Variants in ADAMTS16 observed in about 807,000 individuals in gnomAD.
ADAMTS16 encodes the protein ADAM metallopeptidase with thrombospondin type 1 motif 16, also known as A disintegrin and metalloproteinase with thrombospondin motifs 16.
A neutral mutation model predicts 145.8 loss-of-function variants in ADAMTS16; 94 were observed. The observed-to-expected ratio is 0.64, with a 90% CI of 0.55 to 0.77. The LOEUF (loss-of-function observed/expected upper bound fraction) is 0.77. Ranked by LOEUF, ADAMTS16 falls within the 30% of genes least tolerant of loss-of-function variation. ADAMTS16 has a pLI of 0.00. For synonymous variants in ADAMTS16, 659 were observed against 604.3 expected, an observed-to-expected ratio of 1.09 and a Z score of -1.33; for missense variants, 1,585 against 1,591.5, an observed-to-expected ratio of 1.00 and a Z score of 0.07.
At chr5:5,308,312 C>T (rs916426518) in intron 21 of ADAMTS16, among the ~76,000 whole-genome samples, 7 of 152,234 alleles carry the variant, frequency 4.6e-5, no homozygotes, top group Non-Finnish European at 1.0e-4. Context: ...AGGAATAACC[C>T]TATCCACAGT....
intron 18 of ADAMTS16, among the ~76,000 whole-genome samples, chr5:5,292,354 G>A (rs1201692305): frequency 2.0e-5 from 3 of 151,864 alleles, no homozygotes; most frequent in Middle Eastern, 6.8e-3. Flanking sequence ...AAAATTAGCC[G>A]GGCATGGAGG....
chr5:5,236,595 G>A (rs1450785826), intron 13 of ADAMTS16, among the ~76,000 whole-genome samples: 2 of 125,774 alleles, frequency 1.6e-5, no homozygotes, highest in Non-Finnish European at 3.3e-5. Flanking sequence ...AGAATTTTGT[G>A]TGTTACTACA....
chr5:5,244,798 A>G (rs1011352637), intron 17 of ADAMTS16, among the ~76,000 whole-genome samples: 6 of 152,218 alleles, frequency 3.9e-5, no homozygotes, highest in Non-Finnish European at 8.8e-5. Context: ...TCCATTGAAC[A>G]TAAGATTGAA....
chr5:5,187,863 A>G, intron 6 of ADAMTS16, 55 bp downstream of exon 6: 1 of 1,217,782 alleles, frequency 8.2e-7, no homozygotes, highest in Non-Finnish European at 1.2e-6. Context: ...ATAAATGCAA[A>G]ATAATGCTTT....
intron 21 of ADAMTS16, among the ~76,000 whole-genome samples, chr5:5,313,760 G>A (rs949971700): frequency 2.6e-5 from 4 of 152,242 alleles, no homozygotes; most frequent in African/African-American, 7.2e-5. Context: ...AAGTGCACAC[G>A]GGAGCACACA....
intron 3 of ADAMTS16, among the ~76,000 whole-genome samples, chr5:5,173,938 G>C (rs1331130201): frequency 1.3e-5 from 2 of 152,206 alleles, no homozygotes; most frequent in East Asian, 3.9e-4. Flanking sequence ...TATTTTTGAT[G>C]GTTCATCTTT....
At chr5:5,267,663 T>C (rs1003878565) in intron 18 of ADAMTS16, among the ~76,000 whole-genome samples, 1 of 152,178 alleles carries the variant, frequency 6.6e-6, no homozygotes, top group African/African-American at 2.4e-5. Context: ...GACGTCCAGC[T>C]GCTTGTCTAT....
rs888372118 is a variant in ADAMTS16 at position 5,239,837 on chromosome 5, C to T, written c.2435C>T (p.Ser812Leu). ...TVDWPGRYKFSGTTFDYRRSY... is the reference protein window; with the variant it reads ...TVDWPGRYKFLGTTFDYRRSY... Reference sequence around the variant, plus strand: ...GACTGGCCCGGCCGGTACAAATTTTCGGGCACTACTTTCGACTACAGACGG... The same window carrying T: ...GACTGGCCCGGCCGGTACAAATTTTTGGGCACTACTTTCGACTACAGACGG... The change falls in exon 16 of 23, where the codon TCG (serine) becomes TTG (leucine). Residue 812 changes from serine to leucine, a missense_variant. By Grantham distance (145) the Ser-to-Leu change is moderately radical (BLOSUM62 -2). This residue lies in a region of ADAMTS16 where 834 missense variants were observed against 811.7 expected (regional missense o/e 1.03). Coordinates refer to ENST00000274181, the MANE Select transcript of ADAMTS16 (RefSeq NM_139056.4). The T allele has an allele frequency of 3.1e-6, 5 of 1,613,906 alleles. No individual in the cohort carries two copies. Among genetic ancestry groups the T allele is most frequent in the Admixed American group, 3.3e-5 (2 of 59,998 alleles).
chr5:5,182,105 C>G lies in ADAMTS16; in HGVS notation c.563C>G (p.Ser188Ter). 1 of 1,614,028 alleles carries G rather than the reference C, an allele frequency of 6.2e-7. No homozygotes were observed. The highest frequency in any genetic ancestry group is 8.5e-7 in the Non-Finnish European group (1 of 1,180,018). Residue 188 changes from serine (S) to a stop codon, truncating the protein, a stop_gained, in exon 4 of 23, where the codon TCA becomes TGA. Transcript: ENST00000274181. LOFTEE classifies it high-confidence loss of function. ...YFLRPLPSHL[S>*]WKLGRAAQGS... ...CTAAGGCCACTTCCTTCACACCTCT[C>G]ATGGAAACTCGGCAGAGCTGCCCAA...
At chr5:5,234,420 C>T (rs1737031982) in intron 12 of ADAMTS16, among the ~76,000 whole-genome samples, 1 of 152,188 alleles carries the variant, frequency 6.6e-6, no homozygotes, top group Non-Finnish European at 1.5e-5. Flanking sequence ...GTGAGGACAG[C>T]CCTGCCCACC....
intron 18 of ADAMTS16, among the ~76,000 whole-genome samples, chr5:5,275,937 C>T (rs1738673865): frequency 1.3e-5 from 2 of 151,830 alleles, no homozygotes; most frequent in Non-Finnish European, 2.9e-5. Context: ...CAGCTCACCG[C>T]AACCAACATC....
intron 10 of ADAMTS16, among the ~76,000 whole-genome samples, chr5:5,215,605 G>A (rs768663529): frequency 6.6e-6 from 1 of 151,004 alleles, no homozygotes; most frequent in Non-Finnish European, 1.5e-5. Flanking sequence ...CCATTCCTGA[G>A]CTACTTCACT....
chr5:5,305,123 C>T (rs1579405888), intron 20 of ADAMTS16, among the ~76,000 whole-genome samples: 2 of 38,262 alleles, frequency 5.2e-5, no homozygotes, highest in Non-Finnish European at 6.4e-5. Context: ...ACACACACAC[C>T]CCACACCACA....
chr5:5,290,654 G>GA (rs921771044), intron 18 of ADAMTS16, among the ~76,000 whole-genome samples: 3 of 151,808 alleles, frequency 2.0e-5, no homozygotes, highest in African/African-American at 4.8e-5. Context: ...CCATCTCAAA[G>GA]AAAAAAAAGG....
intron 3 of ADAMTS16, among the ~76,000 whole-genome samples, chr5:5,164,632 C>T (rs928231559): frequency 4.6e-5 from 7 of 152,140 alleles, no homozygotes; most frequent in African/African-American, 1.4e-4. Flanking sequence ...CTCACCGTGT[C>T]CTGGTCACCC....
At chr5:5,287,172 A>G (rs1253534231) in intron 18 of ADAMTS16, among the ~76,000 whole-genome samples, 2 of 152,178 alleles carry the variant, frequency 1.3e-5, no homozygotes, top group Non-Finnish European at 2.9e-5. Context: ...TTCCAGACTT[A>G]TCAAGAAAGA....
chr5:5,274,292 T>G (rs934233819), intron 18 of ADAMTS16, among the ~76,000 whole-genome samples: 2 of 152,150 alleles, frequency 1.3e-5, no homozygotes, highest in African/African-American at 4.8e-5. Flanking sequence ...TATTCTGACA[T>G]CAATCCACCA....
intron 3 of ADAMTS16, among the ~76,000 whole-genome samples, chr5:5,170,144 GT>G (rs1484352245): frequency 6.6e-6 from 1 of 152,130 alleles, no homozygotes; most frequent in Admixed American, 6.5e-5. Flanking sequence ...CAGAGTGGGT[GT>G]ACTAATTTAC....
intron 8 of ADAMTS16, among the ~76,000 whole-genome samples, chr5:5,197,932 G>A (rs1735851581): frequency 6.6e-6 from 1 of 152,094 alleles, no homozygotes; most frequent in African/African-American, 2.4e-5. Flanking sequence ...CACAAAATTA[G>A]AACTATACCA....
Sources: allele counts gnomAD v4.1 joint callset (sites outside exome capture counted in the v4.1 genomes callset), GRCh38; gene constraint gnomAD v4.1.1; regional missense constraint gnomAD v4.1.1; transcripts MANE v1.5; gene names NCBI Gene and HGNC (gene_info 2026-07-23, HGNC 2026-07-21).